The following LRRC7 variants were observed in gnomAD, a reference collection of about 807,000 sequenced individuals.
LRRC7 encodes leucine-rich repeat-containing protein 7.
A neutral mutation model predicts 175.7 loss-of-function variants in LRRC7; 23 were observed. The ratio of observed to expected loss-of-function variants is 0.13; its 90% CI spans 0.09 to 0.19. The LOEUF (loss-of-function observed/expected upper bound fraction) is 0.19. Ranked by LOEUF, LRRC7 falls within the 10% of genes least tolerant of loss-of-function variation. LRRC7 has a pLI of 1.00. For missense variants in LRRC7, 1,354 were observed against 1,904.7 expected (o/e 0.71, Z 5.38); for synonymous variants, 685 against 680.9 (o/e 1.01, Z -0.09).
At chr1:70,044,209 C>T (rs1660152472) in intron 22 of LRRC7, 115 bp downstream of exon 22, 1 of 1,040,484 alleles carries the variant, frequency 9.6e-7, no homozygotes, top group Non-Finnish European at 1.4e-6. Context: ...TCCTATGAGT[C>T]CAAAAAGCAC....
chr1:70,092,819 G>A (rs953012905), intron 25 of LRRC7, among the ~76,000 whole-genome samples: 2 of 152,106 alleles, frequency 1.3e-5, no homozygotes, highest in African/African-American at 4.8e-5. Context: ...GAGGAATCAG[G>A]ATTAAGCCAA....
intron 4 of LRRC7, among the ~76,000 whole-genome samples, chr1:69,822,471 A>G (rs1455410413): frequency 2.0e-5 from 3 of 152,184 alleles, no homozygotes; most frequent in Non-Finnish European, 4.4e-5. Flanking sequence ...AGTAGAATAT[A>G]CAGCTCTTTG....
intron 2 of LRRC7, among the ~76,000 whole-genome samples, chr1:69,744,668 G>A (rs1286956752): frequency 6.6e-6 from 1 of 151,832 alleles, no homozygotes; most frequent in Non-Finnish European, 1.5e-5. Context: ...GGCATTCTAT[G>A]TCAGTAAGAT....
intron 3 of LRRC7, among the ~76,000 whole-genome samples, chr1:69,783,851 T>A (rs1054651160): frequency 2.0e-5 from 3 of 151,722 alleles, no homozygotes; most frequent in African/African-American, 7.3e-5. Context: ...AAAAATAAAT[T>A]TCAGATAGGT....
intron 8 of LRRC7, among the ~76,000 whole-genome samples, chr1:69,966,497 A>T (rs1651676529): frequency 1.3e-5 from 2 of 152,248 alleles, no homozygotes; most frequent in Admixed American, 6.5e-5. Context: ...AAAAATAAAT[A>T]CAATCAAATT....
intron 26 of LRRC7, among the ~76,000 whole-genome samples, chr1:70,108,090 T>C (rs1357196327): frequency 6.7e-6 from 1 of 149,764 alleles, no homozygotes; most frequent in Non-Finnish European, 1.5e-5. Flanking sequence ...CTTGATAATA[T>C]AAGAAATATA....
At chr1:69,717,412 T>TAC (rs1665495751) in intron 2 of LRRC7, among the ~76,000 whole-genome samples, 1 of 151,144 alleles carries the variant, frequency 6.6e-6, no homozygotes, top group Non-Finnish European at 1.5e-5. Context: ...CAGATAAATC[T>TAC]ATCATATATT....
chr1:69,995,594 C>A lies in LRRC7; in HGVS notation c.1004+961C>A, dbSNP rs1462534312. 4.0e-5 allele frequency among the ~76,000 whole-genome samples: 6 copies of A among 150,530 alleles called. No individual in the cohort carries two copies. The Admixed American group carries it at 4.0e-4, about 10-fold the overall frequency. On this transcript the variant is annotated intron_variant, in intron 11 of 26. Transcript: ENST00000651989. ...ATGGTCCCCAGAGTGTGATGTTCCC[C>A]TTCCCGTGTCCATGTGTTCTCATTG... is the stretch of plus-strand genomic sequence containing the variant.
chr1:69,749,605 A>T (rs1031230648), intron 2 of LRRC7, among the ~76,000 whole-genome samples: 1 of 152,184 alleles, frequency 6.6e-6, no homozygotes, highest in Non-Finnish European at 1.5e-5. Context: ...ATGTTTTAAG[A>T]TTTACAAATT....
At chr1:69,768,373 C>A (rs1245398789) in intron 3 of LRRC7, among the ~76,000 whole-genome samples, 1 of 152,160 alleles carries the variant, frequency 6.6e-6, no homozygotes, top group African/African-American at 2.4e-5. Flanking sequence ...TCCTTTGTTT[C>A]CTTCAGATCT....
At chr1:69,768,291 C>T (rs1188847304) in intron 3 of LRRC7, among the ~76,000 whole-genome samples, 1 of 152,172 alleles carries the variant, frequency 6.6e-6, no homozygotes, top group Admixed American at 6.6e-5. Context: ...ACATGAATGC[C>T]AAACAGGCTT....
At chr1:69,593,735 A>G (rs1198145882) in intron 1 of LRRC7, among the ~76,000 whole-genome samples, 1 of 152,112 alleles carries the variant, frequency 6.6e-6, no homozygotes, top group East Asian at 1.9e-4. Flanking sequence ...ACTGGGCATG[A>G]TTTTCATCTT....
chr1:70,091,482 G>A (rs1004941089), intron 25 of LRRC7, among the ~76,000 whole-genome samples: 4 of 151,978 alleles, frequency 2.6e-5, no homozygotes, highest in Non-Finnish European at 4.4e-5. Context: ...TTTCTCACCA[G>A]CATATAAATC....
intron 2 of LRRC7, among the ~76,000 whole-genome samples, chr1:69,698,728 G>A (rs1488783388): frequency 6.6e-6 from 1 of 152,144 alleles, no homozygotes; most frequent in Non-Finnish European, 1.5e-5. Context: ...GCATTGAAAG[G>A]GGGATAGTCT....
rs184452666 is a variant in LRRC7 at position 70,040,462 on chromosome 1, A to G, written c.3969+669A>G. Among the ~76,000 whole-genome samples, 265 of 152,348 alleles carry G rather than the reference A, an allele frequency of 1.7e-3. 1 individual carries two copies. Among genetic ancestry groups the G allele is most frequent in the Non-Finnish European group, 2.3e-3 (155 of 68,034 alleles). On this transcript the variant is annotated intron_variant, in intron 21 of 26. Transcript: ENST00000651989. ...AAATAGTTGATGTCTTTATGAAGAC[A>G]GCAAACAAAAAATTAGTATGTATAT...
At chr1:69,827,695 CTGGTGTGG>C (rs1249783339) in intron 5 of LRRC7, among the ~76,000 whole-genome samples, 2 of 151,820 alleles carry the variant, frequency 1.3e-5, no homozygotes, top group African/African-American at 4.8e-5. Context: ...AAAAATTGGC[CTGGTGTGG>C]TGGTGTGTGC....
At chr1:69,673,755 A>G (rs931868113) in intron 1 of LRRC7, among the ~76,000 whole-genome samples, 5 of 152,180 alleles carry the variant, frequency 3.3e-5, no homozygotes, top group African/African-American at 1.2e-4. Flanking sequence ...CACATATAGC[A>G]TTCCAAGGAA....
At chr1:69,608,240 C>T (rs1647960748) in intron 1 of LRRC7, 1 of 152,100 alleles carries the variant, frequency 6.6e-6, no homozygotes, top group African/African-American at 2.4e-5. Context: ...AGTTTTTCTT[C>T]ATTTCTTTTA....
At chr1:69,919,382 C>G in intron 7 of LRRC7, 1 of 622,984 alleles carries the variant, frequency 1.6e-6, no homozygotes, top group South Asian at 2.1e-5. Flanking sequence ...AAACTGCCGC[C>G]TGGCTGGGAA....
Sources: allele counts gnomAD v4.1 joint callset (sites outside exome capture counted in the v4.1 genomes callset), GRCh38; gene constraint gnomAD v4.1.1; transcripts MANE v1.5; gene names NCBI Gene and HGNC (gene_info 2026-07-23, HGNC 2026-07-21).